Variants in ZDHHC14 observed in about 807,000 individuals in gnomAD.
ZDHHC14 encodes palmitoyltransferase ZDHHC14.
A neutral mutation model predicts 47.7 loss-of-function variants in ZDHHC14; 16 were observed. That is an observed-to-expected ratio of 0.34 (90% CI 0.23 to 0.51). ZDHHC14 has a LOEUF of 0.51. Among genes scored for constraint, ZDHHC14 ranks in the 20% least tolerant of loss-of-function variants. The pLI, the probability that ZDHHC14 is intolerant of heterozygous loss-of-function variation, is 0.97. For synonymous variants in ZDHHC14, 293 were observed against 278.9 expected, an observed-to-expected ratio of 1.05 and a Z score of -0.50; for missense variants, 515 against 662.5, an observed-to-expected ratio of 0.78 and a Z score of 2.44.
chr6:157,514,744 CCT>C (rs1438355259), intron 1 of ZDHHC14, among the ~76,000 whole-genome samples: 1 of 152,218 alleles, frequency 6.6e-6, no homozygotes, highest in African/African-American at 2.4e-5. Context: ...GCTGACCCAG[CCT>C]CTCTTCCCCG....
At chr6:157,631,193 G>A (rs1785721561) in intron 4 of ZDHHC14, 2 of 152,174 alleles carry the variant, frequency 1.3e-5, no homozygotes, top group Non-Finnish European at 2.9e-5. Context: ...ACACTCTCAC[G>A]GTGAAATCTG....
At chr6:157,467,738 T>C (rs1478357719) in intron 1 of ZDHHC14, among the ~76,000 whole-genome samples, 1 of 151,954 alleles carries the variant, frequency 6.6e-6, no homozygotes, top group East Asian at 1.9e-4. Flanking sequence ...TTAGTAGAGA[T>C]GGTGTTTCAC....
intron 2 of ZDHHC14, among the ~76,000 whole-genome samples, chr6:157,554,741 C>T (rs764557164): frequency 3.3e-5 from 5 of 152,194 alleles, no homozygotes; most frequent in Admixed American, 6.5e-5. Context: ...AGTAAAAAAA[C>T]GTCGGCATTT....
chr6:157,434,218 T>TTTTATATATATATA (rs1554257417), intron 1 of ZDHHC14, among the ~76,000 whole-genome samples: 1 of 146,524 alleles, frequency 6.8e-6, no homozygotes, highest in African/African-American at 2.6e-5. Context: ...GCTTATAATT[T>TTTTATATATATATA]TATATATATA....
At chr6:157,509,627 A>G (rs1780413163) in intron 1 of ZDHHC14, among the ~76,000 whole-genome samples, 1 of 152,192 alleles carries the variant, frequency 6.6e-6, no homozygotes, top group African/African-American at 2.4e-5. Flanking sequence ...TCAAACACTG[A>G]TGACAGGTGT....
chr6:157,464,238 G>T (rs62423911), intron 1 of ZDHHC14, among the ~76,000 whole-genome samples: 2 of 152,120 alleles, frequency 1.3e-5, no homozygotes, highest in Admixed American at 1.3e-4. Context: ...CTCTTGAGAA[G>T]ACTACAACCT....
At chr6:157,421,294 T>A (rs1778096172) in intron 1 of ZDHHC14, among the ~76,000 whole-genome samples, 1 of 151,424 alleles carries the variant, frequency 6.6e-6, no homozygotes, top group African/African-American at 2.4e-5. Context: ...GGTCAGGAGA[T>A]CGAGACCACG....
intron 1 of ZDHHC14, among the ~76,000 whole-genome samples, chr6:157,392,455 G>T (rs1333923320): frequency 6.6e-6 from 1 of 151,860 alleles, no homozygotes; most frequent in Non-Finnish European, 1.5e-5. Context: ...CCGTGTGTTG[G>T]GGGGTTGTCT....
intron 3 of ZDHHC14, among the ~76,000 whole-genome samples, chr6:157,618,945 T>G (rs1224737444): frequency 6.6e-6 from 1 of 152,222 alleles, no homozygotes; most frequent in Non-Finnish European, 1.5e-5. Context: ...TTTTTTCACC[T>G]TCTTCCTCAC....
intron 1 of ZDHHC14, among the ~76,000 whole-genome samples, chr6:157,445,364 A>C (rs1220369973): frequency 6.6e-6 from 1 of 152,218 alleles, no homozygotes; most frequent in Non-Finnish European, 1.5e-5. Flanking sequence ...AAATAAACAA[A>C]GCCAAGATGC....
At chr6:157,413,352 G>A (rs1030987452) in intron 1 of ZDHHC14, among the ~76,000 whole-genome samples, 4 of 152,156 alleles carry the variant, frequency 2.6e-5, no homozygotes, top group African/African-American at 4.8e-5. Flanking sequence ...TATGGAGAGA[G>A]AGCTGATGAA....
At chr6:157,441,668 G>A (rs1478901141) in intron 1 of ZDHHC14, among the ~76,000 whole-genome samples, 4 of 152,074 alleles carry the variant, frequency 2.6e-5, no homozygotes, top group African/African-American at 9.7e-5. Context: ...GTGAAACCCT[G>A]TCTCTAAAAA....
At chr6:157,456,313 C>T (rs1219160359) in intron 1 of ZDHHC14, among the ~76,000 whole-genome samples, 1 of 152,224 alleles carries the variant, frequency 6.6e-6, no homozygotes, top group Non-Finnish European at 1.5e-5. Context: ...AAAACAGGTG[C>T]TGCTCAGGCA....
chr6:157,657,445 C>T (rs546837841), intron 8 of ZDHHC14, among the ~76,000 whole-genome samples: 57 of 152,282 alleles, frequency 3.7e-4, no homozygotes, highest in African/African-American at 1.4e-3. Context: ...ACAAGGCTCA[C>T]ATGCACCTGG....
At chr6:157,472,742 T>C (rs949286683) in intron 1 of ZDHHC14, among the ~76,000 whole-genome samples, 1 of 152,194 alleles carries the variant, frequency 6.6e-6, no homozygotes, top group Non-Finnish European at 1.5e-5. Flanking sequence ...AAGGGCCTAA[T>C]GGGAGAGGCA....
chr6:157,604,918 C>G (rs978966572), intron 3 of ZDHHC14, among the ~76,000 whole-genome samples: 3 of 152,192 alleles, frequency 2.0e-5, no homozygotes, highest in Admixed American at 2.0e-4. Context: ...TGGCTTCCAG[C>G]AATGGATATT....
rs139347301 is a variant in ZDHHC14 at position 157,582,266 on chromosome 6, A to G, written c.407-10722A>G. ...GTTAGTATTGATATGTGCGGATTTG[A>G]TCTTGTCATCACATTGTTAGCTGGT... On this transcript the variant is annotated intron_variant, in intron 2 of 8. Coordinates refer to ENST00000359775, the MANE Select transcript of ZDHHC14 (RefSeq NM_024630.3). This position sits in a 1 kb window ranked among gnomAD's most constrained non-coding sequence, Gnocchi z 4.3. Among the ~76,000 whole-genome samples, 2,812 of 152,170 alleles carry G rather than the reference A, an allele frequency of 0.018. 90 individuals carry two copies. Among genetic ancestry groups the G allele is most frequent in the African/African-American group, 0.065 (2,700 of 41,510 alleles).
chr6:157,540,908 G>GTATATATATATATATA (rs1200618040), intron 1 of ZDHHC14, among the ~76,000 whole-genome samples: 4 of 131,536 alleles, frequency 3.0e-5, no homozygotes, highest in Non-Finnish European at 4.5e-5. Context: ...GTGTGTGTGT[G>GTATATATATATATATA]TGTATATATA....
intron 2 of ZDHHC14, among the ~76,000 whole-genome samples, chr6:157,558,937 TC>T (rs71805149): frequency 0.035 from 5,252 of 152,068 alleles, 123 homozygotes; most frequent in Non-Finnish European, 0.055. Flanking sequence ...AGGGTGGATT[TC>T]CCCCCAGCTC....
Sources: allele counts gnomAD v4.1 joint callset (sites outside exome capture counted in the v4.1 genomes callset), GRCh38; gene constraint gnomAD v4.1.1; non-coding constraint Gnocchi (gnomAD v3.1); transcripts MANE v1.5; gene names NCBI Gene and HGNC (gene_info 2026-07-23, HGNC 2026-07-21).